The following PPP1R1C variants were observed in gnomAD, a reference collection of about 807,000 sequenced individuals.
PPP1R1C encodes protein phosphatase 1 regulatory inhibitor subunit 1C.
In PPP1R1C, 15 loss-of-function variants were observed where a neutral mutation model predicts 17.4. That is an observed-to-expected ratio of 0.86 (90% CI 0.58 to 1.33). The LOEUF is 1.33. Among genes scored for constraint, PPP1R1C ranks in the 40% most tolerant of loss-of-function variants. PPP1R1C has a pLI of 0.00. For synonymous variants in PPP1R1C, 35 were observed against 43.1 expected (o/e 0.81, Z 0.73); for missense variants, 143 against 130.0 (o/e 1.10, Z -0.48).
rs144678318 is a variant in PPP1R1C, at chr2:182,002,867, T to C, written c.142+14968T>C. Among the ~76,000 whole-genome samples, 588 of 150,932 alleles carry C rather than the reference T, an allele frequency of 3.9e-3. 5 individuals carry two copies. The highest frequency in any genetic ancestry group is 0.014 in the African/African-American group (564 of 41,290). Reference sequence around the variant, plus strand: ...ATCACCCCCTAGTATCTGTACATAGTCATTCTCACCTTCGTCTTCCATAAC... The same window carrying C: ...ATCACCCCCTAGTATCTGTACATAGCCATTCTCACCTTCGTCTTCCATAAC... On this transcript the variant is annotated intron_variant, in intron 2 of 4. Coordinates refer to ENST00000682840, the MANE Select transcript of PPP1R1C (RefSeq NM_001080545.3).
At chr2:182,060,192 C>T (rs1412865075) in intron 2 of PPP1R1C, among the ~76,000 whole-genome samples, 1 of 151,970 alleles carries the variant, frequency 6.6e-6, no homozygotes, top group Non-Finnish European at 1.5e-5. Context: ...CAGAAGTTTC[C>T]ATAACTTTTT....
chr2:182,067,983 T>G (rs978875845), intron 4 of PPP1R1C, among the ~76,000 whole-genome samples: 4 of 152,136 alleles, frequency 2.6e-5, no homozygotes, highest in African/African-American at 9.7e-5. Flanking sequence ...ACCGGTATTC[T>G]TTTGAGAACA....
intron 2 of PPP1R1C, among the ~76,000 whole-genome samples, chr2:182,024,589 G>C (rs535263580): frequency 1.4e-4 from 21 of 152,006 alleles, no homozygotes; most frequent in African/African-American, 5.1e-4. Flanking sequence ...AAGTATTATA[G>C]AACCTGTAAA....
Position 181,986,046 on chromosome 2 carries a change from C to A in PPP1R1C, c.-65C>A. ...TGGAGTGTGTCTGAGGAAACACATC[C>A]CGGACACCACTTAGGGTTAGTCTTT... On this transcript the variant is annotated 5_prime_UTR_variant, in exon 1 of 5. Coordinates refer to ENST00000682840, the MANE Select transcript of PPP1R1C (RefSeq NM_001080545.3). 7.9e-7 allele frequency: 1 copy of A among 1,271,882 alleles called. No homozygotes were observed. Among genetic ancestry groups the A allele is most frequent in the Non-Finnish European group, 1.2e-6 (1 of 868,866 alleles). The allele number at this position is 1,271,882 out of a possible 1,614,324, so 78.8% of individuals were successfully genotyped here.
chr2:182,124,326 TGTTTTTTTTTTTG>T (rs1559103023), intron 5 of PPP1R1C, among the ~76,000 whole-genome samples: 28 of 101,194 alleles, frequency 2.8e-4, no homozygotes, highest in African/African-American at 5.4e-4. Context: ...TTTTTTTTTT[TGTTTTTTTTTTTG>T]TTTTTTTTTT....
chr2:182,031,422 A>G (rs1294030683), intron 2 of PPP1R1C, among the ~76,000 whole-genome samples: 2 of 152,266 alleles, frequency 1.3e-5, no homozygotes, highest in South Asian at 2.1e-4. Context: ...GTTGCTAAAC[A>G]TTCGGATAAA....
intron 2 of PPP1R1C, among the ~76,000 whole-genome samples, chr2:181,979,933 G>C (rs1685164046): frequency 6.6e-6 from 1 of 152,078 alleles, no homozygotes; most frequent in South Asian, 2.1e-4. Flanking sequence ...ACACCTGTAG[G>C]CAAATAAAAG....
intron 1 of PPP1R1C, among the ~76,000 whole-genome samples, chr2:181,966,687 A>G (rs1684911154): frequency 6.6e-6 from 1 of 151,940 alleles, no homozygotes; most frequent in Non-Finnish European, 1.5e-5. Context: ...GATCTTTTTA[A>G]TGTGTTACTG....
chr2:181,985,823 T>A, upstream of PPP1R1C: 1 of 441,384 alleles, frequency 2.3e-6, no homozygotes, highest in East Asian at 3.8e-5. The surrounding 1 kb of genome is among the most constrained non-coding windows in gnomAD (Gnocchi z 4.1). Context: ...GCTTGGCATG[T>A]GTATTAGTGA....
chr2:182,075,403 C>G (rs1688268722), intron 4 of PPP1R1C, among the ~76,000 whole-genome samples: 1 of 152,158 alleles, frequency 6.6e-6, no homozygotes, highest in Non-Finnish European at 1.5e-5. Flanking sequence ...CCTTCTGAAT[C>G]TGAGGCCATC....
intron 4 of PPP1R1C, among the ~76,000 whole-genome samples, chr2:182,099,619 T>C (rs1034491094): frequency 1.3e-5 from 2 of 152,226 alleles, no homozygotes; most frequent in Non-Finnish European, 2.9e-5. Flanking sequence ...ACTTATATTT[T>C]CAAAGCCAAA....
intron 2 of PPP1R1C, 76 bp from the exon 3 acceptor site, chr2:182,061,363 GTGT>G: frequency 1.0e-6 from 1 of 964,414 alleles, no homozygotes; most frequent in East Asian, 3.1e-5. Context: ...ATTTTTATCC[GTGT>G]TGTTGAAAAT....
intron 4 of PPP1R1C, among the ~76,000 whole-genome samples, chr2:182,098,041 C>T (rs932790987): frequency 6.6e-5 from 10 of 151,904 alleles, no homozygotes; most frequent in South Asian, 2.1e-4. Flanking sequence ...TCTTCTCTTC[C>T]AAAAGAAAAA....
intron 4 of PPP1R1C, among the ~76,000 whole-genome samples, chr2:182,075,269 G>A (rs144256856): frequency 8.1e-4 from 124 of 152,180 alleles, no homozygotes; most frequent in African/African-American, 2.9e-3. Flanking sequence ...TCCAACAGGC[G>A]ATCTTAGGAA....
chr2:182,120,741 A>T (rs897136548), downstream of PPP1R1C, among the ~76,000 whole-genome samples: 5 of 152,174 alleles, frequency 3.3e-5, no homozygotes, highest in African/African-American at 4.8e-5. Flanking sequence ...GCTTTTTCAA[A>T]GGGACTCAGG....
At chr2:182,027,399 T>G (rs1246557876) in intron 2 of PPP1R1C, among the ~76,000 whole-genome samples, 1 of 131,882 alleles carries the variant, frequency 7.6e-6, no homozygotes, top group East Asian at 2.1e-4. Context: ...ATACCTAATT[T>G]ATTGAGAGTT....
chr2:182,117,783 T>C (rs1162923319), downstream of PPP1R1C: 3 of 152,748 alleles, frequency 2.0e-5, no homozygotes, highest in Non-Finnish European at 4.4e-5. Context: ...ATTTCTGTAT[T>C]CAGAACAGAA....
At chr2:181,963,449 G>A (rs1020812723) in intron 1 of PPP1R1C, among the ~76,000 whole-genome samples, 1 of 152,160 alleles carries the variant, frequency 6.6e-6, no homozygotes, top group Non-Finnish European at 1.5e-5. Flanking sequence ...GACCAGCCTG[G>A]CCAACATGGT....
At chr2:182,083,808 A>G (rs1311112942) in intron 4 of PPP1R1C, among the ~76,000 whole-genome samples, 1 of 152,214 alleles carries the variant, frequency 6.6e-6, no homozygotes, top group Non-Finnish European at 1.5e-5. Context: ...ATCAAATGAT[A>G]GATCTACTAT....
Sources: allele counts gnomAD v4.1 joint callset (sites outside exome capture counted in the v4.1 genomes callset), GRCh38; gene constraint gnomAD v4.1.1; non-coding constraint Gnocchi (gnomAD v3.1); transcripts MANE v1.5; gene names NCBI Gene and HGNC (gene_info 2026-07-23, HGNC 2026-07-21).